The following ZNF474 variants were observed in gnomAD, a reference collection of about 807,000 sequenced individuals.
The protein encoded by ZNF474 is 4933409D10Rik.
For missense variants in ZNF474, 511 were observed against 433.8 expected, an observed-to-expected ratio of 1.18 and a Z score of -1.58; for synonymous variants, 192 against 162.2, an observed-to-expected ratio of 1.18 and a Z score of -1.39.
intron 1 of ZNF474, among the ~76,000 whole-genome samples, chr5:122,147,180 A>G (rs574378535): frequency 6.6e-6 from 1 of 152,282 alleles, no homozygotes; most frequent in Non-Finnish European, 1.5e-5. Flanking sequence ...TAGGCTGGAG[A>G]GTGGAGGCTG....
chr5:122,130,527 T>C (rs1755551585), intron 1 of ZNF474, among the ~76,000 whole-genome samples: 2 of 152,226 alleles, frequency 1.3e-5, no homozygotes. Flanking sequence ...GTACAATTCT[T>C]TTTAAAGGTA....
intron 1 of ZNF474, among the ~76,000 whole-genome samples, chr5:122,141,895 T>C (rs1755857270): frequency 6.6e-6 from 1 of 152,224 alleles, no homozygotes; most frequent in Admixed American, 6.5e-5. Flanking sequence ...TCTGCTGCTG[T>C]CTATCTCTCA....
chr5:122,152,882 C>T lies in ZNF474; in HGVS notation c.892C>T (p.Arg298Cys), dbSNP rs752457587. Residue 298 changes from arginine to cysteine, a missense_variant, in exon 2 of 2, where the codon CGC (arginine) becomes TGC (cysteine). Physicochemically the swap from Arg to Cys is radical, Grantham distance 180. Transcript: ENST00000296600. ...TTGTAGCCGAATCTTTACCTCAGAC[C>T]GCCTCCTGGTACACCAGAGAAGTTG... ...PHCSRIFTSDRLLVHQRSCKT... is the reference protein window; with the variant it reads ...PHCSRIFTSDCLLVHQRSCKT... 1.8e-5 allele frequency: 29 copies of T among 1,614,074 alleles called. No homozygotes were observed. The highest frequency in any genetic ancestry group is 1.6e-4 in the East Asian group (7 of 44,858).
chr5:122,152,238 G>C lies in ZNF474; in HGVS notation c.248G>C (p.Ser83Thr), dbSNP rs1561444455. The change falls in exon 2 of 2, where the codon AGC (serine) becomes ACC (threonine). Residue 83 changes from serine (S) to threonine (T), a missense_variant. By Grantham distance (58) the Ser-to-Thr change is moderately conservative. Coordinates refer to ENST00000296600, the MANE Select transcript of ZNF474 (RefSeq NM_207317.3). ...SRRIISESQL[S>T]PPVIPARRPG... ...AGAATTATATCGGAAAGCCAGCTTA[G>C]CCCCCCTGTGATCCCGGCCCGCAGG... 6.8e-6 allele frequency: 11 copies of C among 1,614,180 alleles called. No individual in the cohort carries two copies. Among genetic ancestry groups the C allele is most frequent in the Non-Finnish European group, 9.3e-6 (11 of 1,180,036 alleles).
Position 122,153,043 on chromosome 5 carries a change from A to C in ZNF474, c.1053A>C (p.Thr351=). The change falls in exon 2 of 2, where the codon ACA becomes ACC. Residue 351 remains threonine, a synonymous_variant. Transcript: ENST00000296600. ...TAACTGATAAGGTAATTCATGCCAC[A>C]CAAGACGCATTAGGTGAACCTGGTG... is the stretch of plus-strand genomic sequence containing the variant. ...PSVTDKVIHA[T]QDALGEPGGA... The C allele has an allele frequency of 6.2e-7, 1 of 1,614,082 alleles. No homozygotes were observed. The highest frequency in any genetic ancestry group is 8.5e-7 in the Non-Finnish European group (1 of 1,179,960).
chr5:122,134,294 C>A (rs541738147), intron 1 of ZNF474, among the ~76,000 whole-genome samples: 1 of 152,314 alleles, frequency 6.6e-6, no homozygotes, highest in Non-Finnish European at 1.5e-5. Flanking sequence ...AGGTGCAATG[C>A]AGCCAAGCAT....
intron 1 of ZNF474, among the ~76,000 whole-genome samples, chr5:122,141,300 A>ATTTTTTTTTTTTTTTTTTTTT (rs368273210): frequency 3.1e-5 from 2 of 64,360 alleles, no homozygotes; most frequent in African/African-American, 1.5e-4. Context: ...ACCCCTGGCT[A>ATTTTTTTTTTTTTTTTTTTTT]TTTTTTTTTT....
At chr5:122,143,369 G>T (rs1382698115) in intron 1 of ZNF474, among the ~76,000 whole-genome samples, 2 of 152,178 alleles carry the variant, frequency 1.3e-5, no homozygotes, top group Non-Finnish European at 2.9e-5. Flanking sequence ...TAAATCAAGA[G>T]TATAAAGACA....
At chr5:122,150,752 T>C (rs1756146633) in intron 1 of ZNF474, among the ~76,000 whole-genome samples, 1 of 152,230 alleles carries the variant, frequency 6.6e-6, no homozygotes, top group South Asian at 2.1e-4. Context: ...AATGGATATC[T>C]AAGCTGCCAC....
chr5:122,143,576 C>T (rs563452820), intron 1 of ZNF474, among the ~76,000 whole-genome samples: 2 of 152,254 alleles, frequency 1.3e-5, no homozygotes, highest in Non-Finnish European at 2.9e-5. Context: ...GGCTACTATA[C>T]TGTTCTTATA....
rs1421931311 is a variant in ZNF474, at chr5:122,152,210, A to G, written c.220A>G (p.Arg74Gly). ...TGTGATACTATCAAAACTGTCAAGT[A>G]GAAGAATTATATCGGAAAGCCAGCT... ...GTVILSKLSS[R>G]RIISESQLSP... is the part of the protein sequence containing the mutation. Residue 74 changes from arginine to glycine, a missense_variant, in exon 2 of 2, where the codon AGA becomes GGA. Transcript: ENST00000296600. The G allele has an allele frequency of 2.5e-6, 4 of 1,614,204 alleles. No individual in the cohort carries two copies. Among genetic ancestry groups the G allele is most frequent in the Non-Finnish European group, 3.4e-6 (4 of 1,180,038 alleles).
intron 1 of ZNF474, among the ~76,000 whole-genome samples, chr5:122,147,377 C>T (rs964013879): frequency 6.6e-6 from 1 of 152,118 alleles, no homozygotes; most frequent in Non-Finnish European, 1.5e-5. Context: ...TTTCAAAGGG[C>T]TAGATTTTTT....
chr5:122,146,722 C>T (rs1755999517), intron 1 of ZNF474, among the ~76,000 whole-genome samples: 1 of 152,066 alleles, frequency 6.6e-6, no homozygotes, highest in African/African-American at 2.4e-5. Flanking sequence ...AAAGGCACTC[C>T]AGGGCTTCTA....
intron 1 of ZNF474, among the ~76,000 whole-genome samples, chr5:122,138,404 C>T (rs1755759009): frequency 6.6e-6 from 1 of 152,204 alleles, no homozygotes; most frequent in Non-Finnish European, 1.5e-5. Context: ...TCCTCATGAT[C>T]TTCTCAGCCT....
chr5:122,141,731 A>G lies in ZNF474; in HGVS notation c.-212-10048A>G, dbSNP rs557725156. On this transcript the variant is annotated intron_variant, in intron 1 of 1. Coordinates refer to ENST00000296600, the MANE Select transcript of ZNF474 (RefSeq NM_207317.3). ...TGGGATTACAGGCATGAACCTCTAC[A>G]CCCAGCTCACAGCACGATCATCTTT... is the stretch of plus-strand genomic sequence containing the variant. Among the ~76,000 whole-genome samples, 5 of 152,182 alleles carry G rather than the reference A, an allele frequency of 3.3e-5. No homozygotes were observed. The South Asian group carries it at 1.0e-3, about 32-fold the overall frequency.
intron 1 of ZNF474, among the ~76,000 whole-genome samples, chr5:122,141,481 G>C (rs2152604869): frequency 6.6e-6 from 1 of 151,900 alleles, no homozygotes; most frequent in South Asian, 2.1e-4. Context: ...GCTAATTTTT[G>C]TATTTTTAGT....
At chr5:122,147,107 A>C (rs992731343) in intron 1 of ZNF474, among the ~76,000 whole-genome samples, 1 of 152,184 alleles carries the variant, frequency 6.6e-6, no homozygotes, top group Non-Finnish European at 1.5e-5. Context: ...AAATGAGTCC[A>C]TCAGTTCCTT....
At chr5:122,134,705 T>C (rs1755657656) in intron 1 of ZNF474, among the ~76,000 whole-genome samples, 1 of 152,174 alleles carries the variant, frequency 6.6e-6, no homozygotes, top group Non-Finnish European at 1.5e-5. Context: ...AAATCATACA[T>C]TGATACTGAA....
rs775639565 is a variant in ZNF474, at chr5:122,152,292, G to A, written c.302G>A (p.Gly101Asp). ...RPGFRVCYICGREFGSQSIAI... is the reference protein window; with the variant it reads ...RPGFRVCYICDREFGSQSIAI... ...GGATTCCGGGTATGCTATATCTGTGGCCGAGAATTTGGGTCCCAGTCAATT... is the reference window on the plus strand; with the variant it reads ...GGATTCCGGGTATGCTATATCTGTGACCGAGAATTTGGGTCCCAGTCAATT... The change falls in exon 2 of 2, where the codon GGC becomes GAC. Residue 101 changes from glycine to aspartate, a missense_variant. Gly to Asp is a moderately conservative substitution (Grantham distance 94). Coordinates refer to ENST00000296600, the MANE Select transcript of ZNF474 (RefSeq NM_207317.3). 26 of 1,614,074 alleles carry A rather than the reference G, an allele frequency of 1.6e-5. No homozygotes were observed. In the South Asian group the frequency reaches 2.4e-4, roughly 15 times the overall value.
Sources: allele counts gnomAD v4.1 joint callset (sites outside exome capture counted in the v4.1 genomes callset), GRCh38; gene constraint gnomAD v4.1.1; transcripts MANE v1.5; gene names NCBI Gene and HGNC (gene_info 2026-07-23, HGNC 2026-07-21).